The following HK3 variants were observed in gnomAD, a reference collection of about 807,000 sequenced individuals.
The protein encoded by HK3 is hexokinase 3, also known as hexokinase-3.
In HK3, 93 loss-of-function variants were observed where a neutral mutation model predicts 91.0. The ratio of observed to expected loss-of-function variants is 1.02; its 90% CI spans 0.86 to 1.21. The LOEUF is 1.21. Ranked by LOEUF, HK3 falls within the 50% of genes most tolerant of loss-of-function variation. The probability of loss-of-function intolerance (pLI) is 0.00; values close to 1 mark genes in which losing one functional copy is unlikely to be tolerated. For synonymous variants in HK3, 519 were observed against 516.9 expected (o/e 1.00, Z -0.06); for missense variants, 1,235 against 1,247.4 (o/e 0.99, Z 0.15).
At chr5:176,883,600 A>G (rs1270875009) in intron 15 of HK3, among the ~76,000 whole-genome samples, 170 bp downstream of exon 15, 2 of 152,156 alleles carry the variant, frequency 1.3e-5, no homozygotes, top group Non-Finnish European at 2.9e-5. Context: ...GAGCTGGACT[A>G]TACACCCAAG....
At chr5:176,895,227 T>C (rs1368103083) in intron 2 of HK3, among the ~76,000 whole-genome samples, 1 of 151,966 alleles carries the variant, frequency 6.6e-6, no homozygotes, top group Non-Finnish European at 1.5e-5. Flanking sequence ...TACAGGCATG[T>C]GCCACCATGC....
rs1053172632 is a variant in HK3 at position 176,896,064 on chromosome 5, C to G, written c.96G>C (p.Leu32=). ...GLPGPSDSSE[L]VQECLQQFKV... ...AACAGGAACCCAGTGCTGAACTTAC[C>G]AGCTCTGAGCTGTCTGAGGGCCCGG... The change falls in exon 2 of 19, where the codon CTG becomes CTC. Residue 32 remains leucine (L), a splice_region_variant and synonymous_variant. Transcript: ENST00000292432. 6.2e-7 allele frequency: 1 copy of G among 1,613,298 alleles called. No individual in the cohort carries two copies. The highest frequency in any genetic ancestry group is 8.5e-7 in the Non-Finnish European group (1 of 1,179,340).
At chr5:176,886,896 C>T in intron 13 of HK3, 106 bp downstream of exon 13, 1 of 1,364,862 alleles carries the variant, frequency 7.3e-7, no homozygotes. Context: ...ACCACCAACC[C>T]CAGACCCGCC....
At chr5:176,896,484 A>G (rs1156519834) in intron 1 of HK3, among the ~76,000 whole-genome samples, 3 of 152,246 alleles carry the variant, frequency 2.0e-5, no homozygotes, top group Admixed American at 2.0e-4. Context: ...GTTGTGGTAC[A>G]GATGAAGCAG....
intron 8 of HK3, 23 bp from the exon 9 acceptor site, chr5:176,888,887 G>A: frequency 6.2e-7 from 1 of 1,606,082 alleles, no homozygotes; most frequent in South Asian, 1.1e-5. Flanking sequence ...AGGGTGGCTG[G>A]AGGAAGCCTT....
chr5:176,880,933 G>T lies in HK3; in HGVS notation c.*140C>A. On this transcript the variant is annotated 3_prime_UTR_variant, in exon 19 of 19. Transcript: ENST00000292432. Reference sequence around the variant, plus strand: ...TACTTCTCTCAGGGAAAGCCAGGGAGCAAGGCCAAATGGCCGCAGAGGGGT... The same window carrying T: ...TACTTCTCTCAGGGAAAGCCAGGGATCAAGGCCAAATGGCCGCAGAGGGGT... 1 of 886,230 alleles carries T rather than the reference G, an allele frequency of 1.1e-6. No homozygotes were observed. The highest frequency in any genetic ancestry group is 1.6e-6 in the Non-Finnish European group (1 of 607,530). The allele number at this position is 886,230 out of a possible 1,614,324, so 54.9% of individuals were successfully genotyped here.
intron 2 of HK3, among the ~76,000 whole-genome samples, chr5:176,892,128 C>T (rs1015049768): frequency 1.6e-4 from 24 of 152,208 alleles, no homozygotes; most frequent in African/African-American, 5.8e-4. Context: ...AAGCACCGCA[C>T]ACACATAACC....
Position 176,887,027 on chromosome 5 carries a change from G to A in HK3, c.1832C>T (p.Pro611Leu), listed in dbSNP as rs1651244383. The A allele has an allele frequency of 6.2e-7, 1 of 1,614,032 alleles. No homozygotes were observed. Among genetic ancestry groups the A allele is most frequent in the African/African-American group, 1.3e-5 (1 of 74,928 alleles). Reference protein sequence around the residue: ...SLPLGFTFSFPCRQLGLDQGI... With the variant: ...SLPLGFTFSFLCRQLGLDQGI... ...CTGGTCTAGGCCAAGCTGCCTACAT[G>A]GGAAGGAGAAGGTAAAACCCAGTGG... The change falls in exon 13 of 19, where the codon CCA (proline) becomes CTA (leucine). Residue 611 changes from proline to leucine, a missense_variant. Transcript: ENST00000292432. This position sits in a 1 kb window ranked among gnomAD's most constrained non-coding sequence, Gnocchi z 4.9.
chr5:176,882,796 A>G (rs1758477312), intron 15 of HK3, among the ~76,000 whole-genome samples: 1 of 152,188 alleles, frequency 6.6e-6, no homozygotes, highest in Non-Finnish European at 1.5e-5. Context: ...CCTTTCTCTG[A>G]CACAGCTTCA....
intron 15 of HK3, 144 bp downstream of exon 15, chr5:176,883,626 C>G (rs1231579634): frequency 4.7e-6 from 3 of 643,858 alleles, no homozygotes; most frequent in Non-Finnish European, 8.2e-6. Context: ...AACTGCCAGC[C>G]CAAGAGATTG....
At position 176,887,038 on chromosome 5, in the gene HK3, G is replaced by GTTTTACCTTC; in HGVS notation, c.1820_1821insGAAGGTAAAA (p.Phe608LysfsTer9). ...CAAGCTGCCTACATGGGAAGGAGAA[G>GTTTTACCTTC]GTAAAACCCAGTGGGAGGCTCTGCC... On this transcript the variant is annotated frameshift_variant, in exon 13 of 19. Transcript: ENST00000292432. LOFTEE classifies it high-confidence loss of function. This position sits in a 1 kb window ranked among gnomAD's most constrained non-coding sequence, Gnocchi z 4.9. 6.2e-7 allele frequency: 1 copy of GTTTTACCTTC among 1,614,194 alleles called. No individual in the cohort carries two copies. Among genetic ancestry groups the GTTTTACCTTC allele is most frequent in the South Asian group, 1.1e-5 (1 of 91,066 alleles).
Position 176,887,032 on chromosome 5 carries a change from G to A in HK3, c.1827C>T (p.Ser609=), listed in dbSNP as rs1005551172. 10 of 1,614,176 alleles carry A rather than the reference G, an allele frequency of 6.2e-6. No individual in the cohort carries two copies. Among genetic ancestry groups the A allele is most frequent in the Middle Eastern group, 3.3e-4 (2 of 6,062 alleles). ...GQSLPLGFTF[S]FPCRQLGLDQ... ...CTAGGCCAAGCTGCCTACATGGGAAGGAGAAGGTAAAACCCAGTGGGAGGC... is the reference window on the plus strand; with the variant it reads ...CTAGGCCAAGCTGCCTACATGGGAAAGAGAAGGTAAAACCCAGTGGGAGGC... The change falls in exon 13 of 19, where the codon TCC becomes TCT. Residue 609 remains serine (S), a synonymous_variant. Transcript: ENST00000292432. This position sits in a 1 kb window ranked among gnomAD's most constrained non-coding sequence, Gnocchi z 4.9.
chr5:176,891,250 C>T, intron 3 of HK3, 59 bp from the exon 4 acceptor site: 30 of 1,613,014 alleles, frequency 1.9e-5, no homozygotes, highest in Non-Finnish European at 2.5e-5. Context: ...GCCCTCTGCC[C>T]ACTTCCCAAA....
chr5:176,888,797 G>C lies in HK3; in HGVS notation c.982C>G (p.Arg328Gly). Residue 328 changes from arginine to glycine, a missense_variant, in exon 9 of 19, where the codon CGG becomes GGG. Arg to Gly is a moderately radical substitution (Grantham distance 125). Transcript: ENST00000292432. ...CAGCCACCAAAGAGGACCCCACACC[G>C]GGCCAAGTGAGCCAGCACCAGCCGC... ...LVRLVLAHLA[R>G]CGVLFGGCTS... is the part of the protein sequence containing the mutation. The C allele has an allele frequency of 6.2e-7, 1 of 1,614,064 alleles. No individual in the cohort carries two copies. The highest frequency in any genetic ancestry group is 1.1e-5 in the South Asian group (1 of 91,076).
Position 176,889,581 on chromosome 5 carries a change from T to A in HK3, c.731-17A>T, listed in dbSNP as rs148734578. On this transcript the variant is annotated splice_polypyrimidine_tract_variant and intron_variant, in intron 7 of 18. Transcript: ENST00000292432. ...TGCCCGTGTCTGGCAGAGACAACCC[T>A]GTCAAGGCCTGCTAGCCAGGCAGCA... 1.1e-4 allele frequency: 185 copies of A among 1,614,086 alleles called. No homozygotes were observed. Among genetic ancestry groups the A allele is most frequent in the Middle Eastern group, 1.6e-4 (1 of 6,062 alleles).
At chr5:176,892,514 G>A (rs923655090) in intron 2 of HK3, among the ~76,000 whole-genome samples, 1 of 151,978 alleles carries the variant, frequency 6.6e-6, no homozygotes, top group Non-Finnish European at 1.5e-5. Context: ...GAGCCCCAGG[G>A]ACCTCATCCC....
rs563509390 is a variant in HK3, at chr5:176,889,550, C to T, written c.745G>A (p.Ala249Thr). 4.6e-5 allele frequency: 75 copies of T among 1,614,154 alleles called. No individual in the cohort carries two copies. The highest frequency in any genetic ancestry group is 1.3e-4 in the South Asian group (12 of 91,076). Residue 249 changes from alanine to threonine, a missense_variant, in exon 8 of 19, where the codon GCG (alanine) becomes ACG (threonine). By Grantham distance (58) the Ala-to-Thr change is moderately conservative (BLOSUM62 0). Coordinates refer to ENST00000292432, the MANE Select transcript of HK3 (RefSeq NM_002115.3). ...TGCCGTGCCTCCTCCATGTAACACG[C>T]GTTGGTGCCCGTGTCTGGCAGAGAC... is the stretch of plus-strand genomic sequence containing the variant. ...VGLVVDTGTN[A>T]CYMEEARHVA...
In HK3 at chr5:176,884,226, G is replaced by T; in HGVS notation, c.1858-92C>A. 9.6e-7 allele frequency: 1 copy of T among 1,045,430 alleles called. No homozygotes were observed. The highest frequency in any genetic ancestry group is 1.5e-6 in the Non-Finnish European group (1 of 669,002). 64.8% of individuals were successfully genotyped at this position (1,045,430 alleles called of 1,614,324 possible). On this transcript the variant is annotated intron_variant, in intron 13 of 18. Transcript: ENST00000292432. The surrounding 1 kb of genome is among the most constrained non-coding windows in gnomAD (Gnocchi z 4.1). ...AAACCTGCATCCATCACAAGCCTAG[G>T]CTTTCCACCCTCCCCAAGCACAATT...
At chr5:176,895,981 C>T in intron 2 of HK3, 83 bp downstream of exon 2, 1 of 1,123,106 alleles carries the variant, frequency 8.9e-7, no homozygotes, top group Non-Finnish European at 1.4e-6. Flanking sequence ...TGGGTGAGAG[C>T]CCAGGGCCCC....
Sources: gnomAD v4.1 joint callset for allele counts (sites outside exome capture counted in the v4.1 genomes callset) on GRCh38, gnomAD v4.1.1 for gene constraint, Gnocchi (gnomAD v3.1) non-coding constraint, MANE v1.5 for transcripts, NCBI Gene and HGNC (gene_info 2026-07-23, HGNC 2026-07-21) for gene names.